CHD6: variants seen among roughly 807,000 people sequenced by gnomAD.
CHD6 encodes ATP-dependent chromatin remodeler CHD6.
Under a neutral mutation model 276.9 loss-of-function variants are expected in CHD6, and 50 were observed. The ratio of observed to expected loss-of-function variants is 0.18; its 90% CI spans 0.14 to 0.23. The LOEUF (loss-of-function observed/expected upper bound fraction) is 0.23, where lower values mean the gene tolerates loss of function less well. Among genes scored for constraint, CHD6 ranks in the 10% least tolerant of loss-of-function variants. The pLI, the probability that CHD6 is intolerant of heterozygous loss-of-function variation, is 1.00. For synonymous variants in CHD6, 1,173 were observed against 1,229.3 expected (o/e 0.95, Z 0.96); for missense variants, 2,564 against 3,365.8 (o/e 0.76, Z 5.89).
chr20:41,434,614 C>T (rs537858258), intron 27 of CHD6, among the ~76,000 whole-genome samples: 1 of 152,296 alleles, frequency 6.6e-6, no homozygotes, highest in East Asian at 1.9e-4. Context: ...CAGTGATCTG[C>T]CTTCTTTGGC....
At chr20:41,489,681 A>G in intron 12 of CHD6, 97 bp downstream of exon 12, 1 of 1,478,642 alleles carries the variant, frequency 6.8e-7, no homozygotes, top group Non-Finnish European at 9.4e-7. Context: ...CCACATTAAT[A>G]CAAGATGCAG....
At chr20:41,581,164 T>C (rs2045534499) in intron 1 of CHD6, among the ~76,000 whole-genome samples, 1 of 152,238 alleles carries the variant, frequency 6.6e-6, no homozygotes, top group Admixed American at 6.5e-5. Flanking sequence ...TAACATTTAC[T>C]GCATTTTGTC....
At chr20:41,449,132 A>C (rs759070623) in intron 23 of CHD6, among the ~76,000 whole-genome samples, 14 of 152,140 alleles carry the variant, frequency 9.2e-5, no homozygotes, top group Non-Finnish European at 1.6e-4. Context: ...TGAACTCCTG[A>C]TCTCAGGTGA....
rs147077335 is a variant in CHD6 at position 41,447,227 on chromosome 20, C to T, written c.3773+655G>A. Among the ~76,000 whole-genome samples, 312 of 152,290 alleles carry T rather than the reference C, an allele frequency of 2.0e-3. 8 individuals are homozygous for T. The highest frequency in any genetic ancestry group is 0.018 in the Admixed American group (269 of 15,296). ...AAGAAACCACGGCCCCAGGTAATCT[C>T]AACACAAAGTCCAAATATCAGCACT... On this transcript the variant is annotated intron_variant, in intron 24 of 36. Transcript: ENST00000373233.
In CHD6 at chr20:41,421,708, G is replaced by C; in HGVS notation, c.4927C>G (p.Leu1643Val). Residue 1643 changes from leucine (L) to valine (V), a missense_variant, in exon 31 of 37, where the codon CTT (leucine) becomes GTT (valine). Leu to Val is a conservative substitution (Grantham distance 32). This residue lies in a region of CHD6 where 1,024 missense variants were observed against 1,047.9 expected (regional missense o/e 0.98). Transcript: ENST00000373233. ...GTCCTACTCATTTGAGAATATGTAA[G>C]AGATTCATATAACTTGGAGTTGGTC... ...YQTNSKLYES[L>V]TYSQMSRTSE... 1.9e-6 allele frequency: 3 copies of C among 1,614,176 alleles called. No individual in the cohort carries two copies. The highest frequency in any genetic ancestry group is 2.5e-6 in the Non-Finnish European group (3 of 1,180,018).
chr20:41,555,787 G>T (rs1480986790), intron 1 of CHD6, among the ~76,000 whole-genome samples: 10 of 151,556 alleles, frequency 6.6e-5, no homozygotes, highest in Admixed American at 1.3e-4. Context: ...CAGGCAGAGG[G>T]GCTCCTCACG....
chr20:41,523,695 A>G (rs1265760685), intron 3 of CHD6, among the ~76,000 whole-genome samples: 1 of 151,938 alleles, frequency 6.6e-6, no homozygotes, highest in East Asian at 1.9e-4. Flanking sequence ...TATCATATGA[A>G]AGCACTAGGA....
In CHD6 at chr20:41,406,483, G is replaced by A. The variant is rs112477109; in HGVS notation, c.7252-994C>T. Among the ~76,000 whole-genome samples, 104 of 152,326 alleles carry A rather than the reference G, an allele frequency of 6.8e-4. 1 individual carries two copies. The highest frequency in any genetic ancestry group is 1.0e-3 in the South Asian group (5 of 4,826). ...GATTGCTCCAGCAGCATCAGCGAGC[G>A]GAAGGCAGCACGTGGAAAGGAAGGC... is the stretch of plus-strand genomic sequence containing the variant. On this transcript the variant is annotated intron_variant, in intron 36 of 36. Coordinates refer to ENST00000373233, the MANE Select transcript of CHD6 (RefSeq NM_032221.5).
chr20:41,594,432 T>A (rs1286700557), intron 1 of CHD6, among the ~76,000 whole-genome samples: 1 of 152,204 alleles, frequency 6.6e-6, no homozygotes, highest in Non-Finnish European at 1.5e-5. Flanking sequence ...ACTTCACACC[T>A]CCACATCTGT....
chr20:41,483,706 A>C (rs2043347337), intron 15 of CHD6, among the ~76,000 whole-genome samples, 187 bp from the exon 16 acceptor site: 1 of 152,038 alleles, frequency 6.6e-6, no homozygotes, highest in African/African-American at 2.4e-5. Flanking sequence ...GCAGCAGGAG[A>C]GAATGCGGGT....
chr20:41,528,055 A>G (rs1297102901), intron 3 of CHD6, among the ~76,000 whole-genome samples: 1 of 152,166 alleles, frequency 6.6e-6, no homozygotes. Context: ...TTCATTATAC[A>G]TTATCCAGTC....
At chr20:41,600,799 A>G (rs1258685353) in intron 1 of CHD6, among the ~76,000 whole-genome samples, 1 of 152,178 alleles carries the variant, frequency 6.6e-6, no homozygotes, top group Non-Finnish European at 1.5e-5. Flanking sequence ...AACCACCACC[A>G]TCACCTCACA....
At chr20:41,547,610 G>A (rs1223215556) in intron 2 of CHD6, 7 of 577,166 alleles carry the variant, frequency 1.2e-5, no homozygotes, top group East Asian at 4.5e-5. Flanking sequence ...TGAAACTGAC[G>A]ATTCAGAACA....
rs1568631281 is a variant in CHD6 at position 41,484,405 on chromosome 20, A to G, written c.2204T>C (p.Ile735Thr). 1 of 1,613,824 alleles carries G rather than the reference A, an allele frequency of 6.2e-7. No homozygotes were observed. The highest frequency in any genetic ancestry group is 1.7e-5 in the Admixed American group (1 of 60,004). The part of the protein sequence containing the change: ...GANQHNMPNL[I>T]NTMMELRKCC... ...CTTCCTCAGCTCCATCATGGTGTTG[A>G]TGAGATTGGGCATGTTGTGCTGATT... The change falls in exon 15 of 37, where the codon ATC (isoleucine) becomes ACC (threonine). Residue 735 changes from isoleucine to threonine, a missense_variant. Coordinates refer to ENST00000373233, the MANE Select transcript of CHD6 (RefSeq NM_032221.5).
At chr20:41,508,732 G>A (rs2044038607) in intron 5 of CHD6, among the ~76,000 whole-genome samples, 1 of 152,084 alleles carries the variant, frequency 6.6e-6, no homozygotes, top group Non-Finnish European at 1.5e-5. Flanking sequence ...CTGGCACGAA[G>A]CTACGGCAAT....
At chr20:41,559,805 A>T (rs1302277123) in intron 1 of CHD6, among the ~76,000 whole-genome samples, 2 of 151,948 alleles carry the variant, frequency 1.3e-5, no homozygotes, top group Non-Finnish European at 2.9e-5. Context: ...TTCCTGAGAC[A>T]TTCCACAGGT....
At chr20:41,559,816 A>G (rs1286847435) in intron 1 of CHD6, among the ~76,000 whole-genome samples, 1 of 151,988 alleles carries the variant, frequency 6.6e-6, no homozygotes, top group Admixed American at 6.6e-5. Flanking sequence ...TTCCACAGGT[A>G]CCAACAAAGA....
chr20:41,421,919 T>G lies in CHD6; in HGVS notation c.4716A>C (p.Pro1572=), dbSNP rs1344904965. ...LQLCRPSLYL[P]VWWECGKHDR... ...CATGCTTCCCACACTCCCACCAGAC[T>G]GGGAGGTAGAGGCTGGGCCTGCACA... Residue 1572 remains proline (P), a synonymous_variant, in exon 31 of 37, where the codon CCA becomes CCC. Transcript: ENST00000373233. The G allele has an allele frequency of 1.7e-5, 27 of 1,614,162 alleles. No individual in the cohort carries two copies. The highest frequency in any genetic ancestry group is 2.3e-5 in the Non-Finnish European group (27 of 1,180,018).
chr20:41,406,718 C>A (rs1432624714), intron 36 of CHD6, among the ~76,000 whole-genome samples: 1 of 152,224 alleles, frequency 6.6e-6, no homozygotes, highest in Non-Finnish European at 1.5e-5. Flanking sequence ...GTGCCGCAGT[C>A]CCTGCGCCCC....
Sources: allele counts gnomAD v4.1 joint callset (sites outside exome capture counted in the v4.1 genomes callset), GRCh38; gene constraint gnomAD v4.1.1; regional missense constraint gnomAD v4.1.1; transcripts MANE v1.5; gene names NCBI Gene and HGNC (gene_info 2026-07-23, HGNC 2026-07-21).